The following ARL2BP variants were observed in gnomAD, a reference collection of about 807,000 sequenced individuals.
ARL2BP encodes ADP-ribosylation factor-like protein 2-binding protein.
ARL2BP carries 19 observed loss-of-function variants against 24.2 expected under a neutral mutation model. That is an observed-to-expected ratio of 0.79 (90% CI 0.55 to 1.15). The LOEUF (loss-of-function observed/expected upper bound fraction) is 1.15. Among genes scored for constraint, ARL2BP ranks in the 50% most tolerant of loss-of-function variants. The probability of loss-of-function intolerance (pLI) is 0.00; values close to 1 mark genes in which losing one functional copy is unlikely to be tolerated. For synonymous variants in ARL2BP, 56 were observed against 70.5 expected (o/e 0.79, Z 1.03); for missense variants, 160 against 190.4 (o/e 0.84, Z 0.94).
At chr16:57,250,154 G>C (rs188329477) in intron 4 of ARL2BP, 3 of 596,492 alleles carry the variant, frequency 5.0e-6, no homozygotes, top group Non-Finnish European at 8.9e-6. Flanking sequence ...GTCAGGTGTG[G>C]TGTTGCATAC....
chr16:57,250,768 CTTTCT>C (rs1171226773), intron 5 of ARL2BP: 11 of 456,774 alleles, frequency 2.4e-5, no homozygotes, highest in African/African-American at 1.6e-4. Flanking sequence ...TCTGCCTTGC[CTTTCT>C]TTTATTTATT....
In ARL2BP at chr16:57,249,084, T is replaced by A. The variant is rs186626415; in HGVS notation, c.207+441T>A. 409 of 152,928 alleles carry A rather than the reference T, an allele frequency of 2.7e-3. 2 individuals are homozygous for A. The highest frequency in any genetic ancestry group is 9.1e-3 in the African/African-American group (379 of 41,590). The allele number at this position is 152,928 out of a possible 1,614,324, so 9.5% of individuals were successfully genotyped here. On this transcript the variant is annotated intron_variant, in intron 3 of 5. Transcript: ENST00000219204. ...CTTTTAATCACAGTACATGAGTTCT[T>A]CATACCTTGCATTTGCATGCTTTTG...
In ARL2BP at chr16:57,252,478, C is replaced by A; in HGVS notation, c.*211C>A. 1.2e-6 allele frequency: 1 copy of A among 814,424 alleles called. No homozygotes were observed. The highest frequency in any genetic ancestry group is 1.9e-6 in the Non-Finnish European group (1 of 538,248). The allele number at this position is 814,424 out of a possible 1,614,324, so 50.4% of individuals were successfully genotyped here. A position where few individuals can be genotyped will look rare whatever the true frequency, so the allele number is the denominator to read the frequency against. On this transcript the variant is annotated 3_prime_UTR_variant, in exon 6 of 6. Coordinates refer to ENST00000219204, the MANE Select transcript of ARL2BP (RefSeq NM_012106.4). ...TCTTGTATTCATTAACCATAGTACT[C>A]CTCCCCACCTCAAGTAGACACCTCT...
chr16:57,247,715 T>TA (rs545929495), intron 2 of ARL2BP, among the ~76,000 whole-genome samples: 214 of 152,278 alleles, frequency 1.4e-3, no homozygotes, highest in South Asian at 4.6e-3. Flanking sequence ...GTCACACAAT[T>TA]AGTAAGTAGC....
At chr16:57,246,182 C>CT in intron 2 of ARL2BP, 41 bp downstream of exon 2, 2 of 1,561,988 alleles carry the variant, frequency 1.3e-6, no homozygotes, top group Non-Finnish European at 1.7e-6. Context: ...TTGCTTGTTT[C>CT]TTTAAGGACA....
At chr16:57,246,682 T>C (rs1427162438) in intron 2 of ARL2BP, among the ~76,000 whole-genome samples, 2 of 152,046 alleles carry the variant, frequency 1.3e-5, no homozygotes, top group African/African-American at 4.8e-5. Context: ...CGGGCGCCTG[T>C]AGTCCCAGCT....
At chr16:57,249,657 T>TCG in intron 3 of ARL2BP, 110 bp from the exon 4 acceptor site, 22 of 796,182 alleles carry the variant, frequency 2.8e-5, no homozygotes, top group Admixed American at 1.2e-4. Flanking sequence ...CAGTGTAGAT[T>TCG]GTGGCACACA....
At chr16:57,246,587 G>A (rs1261907787) in intron 2 of ARL2BP, among the ~76,000 whole-genome samples, 1 of 152,168 alleles carries the variant, frequency 6.6e-6, no homozygotes, top group African/African-American at 2.4e-5. Context: ...CGGATCACGA[G>A]GTCAGGAGAT....
At chr16:57,249,651 G>A in intron 3 of ARL2BP, 116 bp from the exon 4 acceptor site, 1 of 788,986 alleles carries the variant, frequency 1.3e-6, no homozygotes, top group African/African-American at 1.7e-5. Context: ...GGCACTCAGT[G>A]TAGATTGTGG....
chr16:57,249,626 C>T, intron 3 of ARL2BP, 141 bp from the exon 4 acceptor site: 2 of 669,524 alleles, frequency 3.0e-6, no homozygotes, highest in Non-Finnish European at 2.6e-6. Context: ...TGTTTTGGTC[C>T]TCTTTGGTAT....
intron 3 of ARL2BP, chr16:57,249,275 C>T (rs2075400254): frequency 6.5e-6 from 1 of 154,472 alleles, no homozygotes; most frequent in Non-Finnish European, 1.4e-5. Flanking sequence ...TGGGTCTCTA[C>T]ACTTTACCCT....
In ARL2BP at chr16:57,252,779, A is replaced by G. The variant is rs2075412669; in HGVS notation, c.*512A>G. 6.0e-6 allele frequency: 1 copy of G among 165,702 alleles called. No homozygotes were observed. Among genetic ancestry groups the G allele is most frequent in the African/African-American group, 2.4e-5 (1 of 41,622 alleles). The allele number at this position is 165,702 out of a possible 1,614,324, so 10.3% of individuals were successfully genotyped here. A position where few individuals can be genotyped will look rare whatever the true frequency, so the allele number is the denominator to read the frequency against. ...AGATTTTGGAGTCTCCTGTGATCACATCTTGTCTCGGCTGTAGGAATCAAC... is the reference window on the plus strand; with the variant it reads ...AGATTTTGGAGTCTCCTGTGATCACGTCTTGTCTCGGCTGTAGGAATCAAC... On this transcript the variant is annotated 3_prime_UTR_variant, in exon 6 of 6. Coordinates refer to ENST00000219204, the MANE Select transcript of ARL2BP (RefSeq NM_012106.4).
At chr16:57,249,635 A>G in intron 3 of ARL2BP, 132 bp from the exon 4 acceptor site, 1 of 700,412 alleles carries the variant, frequency 1.4e-6, no homozygotes, top group Non-Finnish European at 2.5e-6. Flanking sequence ...CCTCTTTGGT[A>G]TCCTTGGCAC....
chr16:57,246,416 A>G (rs1847495549), intron 2 of ARL2BP: 1 of 367,410 alleles, frequency 2.7e-6, no homozygotes, highest in Non-Finnish European at 4.9e-6. Context: ...TCGCAAAACT[A>G]TAGGAAATAA....
chr16:57,250,259 C>A (rs1218357178), intron 4 of ARL2BP, 152 bp from the exon 5 acceptor site: 18 of 669,028 alleles, frequency 2.7e-5, no homozygotes, highest in Non-Finnish European at 4.4e-5. Flanking sequence ...CCCTGCACTC[C>A]TGCCTGGGTG....
rs567738253 is a variant in ARL2BP at position 57,245,654 on chromosome 16, C to G, written c.38+249C>G. On this transcript the variant is annotated intron_variant, in intron 1 of 5. Transcript: ENST00000219204. ...CGTTGATCAGCGCCTCCATCACAAT[C>G]CCCAGCCGCCAACCCTCAGCTGTCA... Among the ~76,000 whole-genome samples the G allele has an allele frequency of 3.9e-5, 6 of 152,226 alleles. No individual in the cohort carries two copies. The South Asian group carries it at 8.3e-4, about 21-fold the overall frequency.
chr16:57,253,087 C>G lies in ARL2BP; in HGVS notation c.*820C>G, dbSNP rs2075413663. 1 of 152,630 alleles carries G rather than the reference C, an allele frequency of 6.6e-6. No homozygotes were observed. The highest frequency in any genetic ancestry group is 6.5e-5 in the Admixed American group (1 of 15,274). 9.5% of individuals were successfully genotyped at this position (152,630 alleles called of 1,614,324 possible). ...TGTTAGTACTGTGAAGGCAAAAATG[C>G]TTTCTACATTGACATTCATTCCTAT... On this transcript the variant is annotated 3_prime_UTR_variant, in exon 6 of 6. Transcript: ENST00000219204.
rs1334011448 is a variant in ARL2BP, at chr16:57,252,711, G to A, written c.*444G>A. On this transcript the variant is annotated 3_prime_UTR_variant, in exon 6 of 6. Coordinates refer to ENST00000219204, the MANE Select transcript of ARL2BP (RefSeq NM_012106.4). ...CAGTTTCAGTACTTCAGCCTCAGTG[G>A]GGTTCCTGATGTTTATCTAGGGTGT... 1.5e-5 allele frequency: 3 copies of A among 198,376 alleles called. No homozygotes were observed. The highest frequency in any genetic ancestry group is 3.2e-5 in the Non-Finnish European group (3 of 95,100). The allele number at this position is 198,376 out of a possible 1,614,324, so 12.3% of individuals were successfully genotyped here. A position where few individuals can be genotyped will look rare whatever the true frequency, so the allele number is the denominator to read the frequency against.
chr16:57,245,772 GTGTTTCGCCCGTGCCGGGTTCA>G (rs772770056), intron 1 of ARL2BP: 33 of 505,932 alleles, frequency 6.5e-5, no homozygotes, highest in Non-Finnish European at 1.1e-4. Flanking sequence ...CCCCCGGCAG[GTGTTTCGCCCGTGCCGGGTTCA>G]TGCTCACAAG....
Sources: allele counts gnomAD v4.1 joint callset (sites outside exome capture counted in the v4.1 genomes callset), GRCh38; gene constraint gnomAD v4.1.1; transcripts MANE v1.5; gene names NCBI Gene and HGNC (gene_info 2026-07-23, HGNC 2026-07-21).